Variants in RBM33 observed in about 807,000 individuals in gnomAD.
The protein encoded by RBM33 is RNA binding motif protein 33, also known as RNA-binding protein 33.
In RBM33, 28 loss-of-function variants were observed where a neutral mutation model predicts 132.6. That is an observed-to-expected ratio of 0.21 (90% CI 0.16 to 0.29). RBM33 has a LOEUF of 0.29. Among genes scored for constraint, RBM33 ranks in the 10% least tolerant of loss-of-function variants. The pLI, the probability that RBM33 is intolerant of heterozygous loss-of-function variation, is 1.00. For missense variants in RBM33, 1,291 were observed against 1,518.5 expected (o/e 0.85, Z 2.49); for synonymous variants, 634 against 593.0 (o/e 1.07, Z -1.01).
chr7:155,771,703 G>A lies in RBM33; in HGVS notation c.3376-2856G>A, dbSNP rs554887493. The stretch of plus-strand genomic sequence containing the variant: ...AGAAATGTTATTTCCCAAAAGAACT[G>A]CATGATATTTTCTTTTTTCTTATTT... On this transcript the variant is annotated intron_variant, in intron 16 of 17. Coordinates refer to ENST00000401878, the MANE Select transcript of RBM33 (RefSeq NM_053043.3). Among the ~76,000 whole-genome samples the A allele has an allele frequency of 2.0e-5, 3 of 152,268 alleles. No homozygotes were observed. The East Asian group carries it at 5.8e-4, about 29-fold the overall frequency.
intron 9 of RBM33, among the ~76,000 whole-genome samples, chr7:155,733,191 A>G (rs540601092): frequency 1.3e-5 from 2 of 152,346 alleles, no homozygotes; most frequent in South Asian, 4.1e-4. Flanking sequence ...GAAAGTGTGT[A>G]TGTAATGTGA....
intron 5 of RBM33, among the ~76,000 whole-genome samples, chr7:155,693,251 A>G (rs1799696577): frequency 1.3e-5 from 2 of 152,154 alleles, no homozygotes; most frequent in Admixed American, 1.3e-4. Context: ...AGGGAAACAT[A>G]AGGTGGTTAA....
rs1468261873 is a variant in RBM33 at position 155,673,613 on chromosome 7, CGT to C, written c.171+701_171+702del. Among the ~76,000 whole-genome samples the C allele has an allele frequency of 3.0e-4, 24 of 79,544 alleles. 6 individuals carry two copies. The highest frequency in any genetic ancestry group is 4.1e-4 in the Non-Finnish European group (16 of 39,004). 52.2% of individuals were successfully genotyped at this position (79,544 alleles called of 152,430 possible). ...ATATATACACACATATACATACACA[CGT>C]GTATATATATACACACATATACATA... On this transcript the variant is annotated intron_variant, in intron 3 of 17. Transcript: ENST00000401878.
intron 16 of RBM33, among the ~76,000 whole-genome samples, chr7:155,769,804 G>T (rs1802354662): frequency 6.6e-6 from 1 of 152,200 alleles, no homozygotes; most frequent in Non-Finnish European, 1.5e-5. Context: ...ACACTAAGCA[G>T]TGTCAGACAC....
chr7:155,729,948 TC>T (rs1437990599), intron 9 of RBM33, among the ~76,000 whole-genome samples: 1 of 152,154 alleles, frequency 6.6e-6, no homozygotes, highest in African/African-American at 2.4e-5. Flanking sequence ...GTTACTTCCT[TC>T]CTTCATTCAG....
intron 16 of RBM33, among the ~76,000 whole-genome samples, chr7:155,768,985 T>C (rs1802317598): frequency 6.6e-6 from 1 of 152,238 alleles, no homozygotes; most frequent in Admixed American, 6.5e-5. Flanking sequence ...AGTGATGTGG[T>C]AGCCAGTTTT....
chr7:155,693,119 G>A (rs1799693004), intron 5 of RBM33, among the ~76,000 whole-genome samples: 1 of 152,104 alleles, frequency 6.6e-6, no homozygotes, highest in Non-Finnish European at 1.5e-5. Flanking sequence ...GATGGAAATG[G>A]TAATAATGAT....
intron 9 of RBM33, among the ~76,000 whole-genome samples, chr7:155,722,771 T>A (rs1800666043): frequency 6.6e-6 from 1 of 152,220 alleles, no homozygotes; most frequent in Admixed American, 6.5e-5. Context: ...CTGAGCTAAA[T>A]TTTAAGCTTA....
intron 5 of RBM33, chr7:155,684,932 G>A (rs1350080058): frequency 5.8e-6 from 9 of 1,549,696 alleles, no homozygotes; most frequent in Non-Finnish European, 7.0e-6. Context: ...ATGGCTGTTA[G>A]GATGAAGAAT....
chr7:155,686,389 G>A (rs1026036330), intron 5 of RBM33, among the ~76,000 whole-genome samples: 8 of 152,176 alleles, frequency 5.3e-5, no homozygotes, highest in African/African-American at 1.9e-4. Context: ...ACTGCGTGGA[G>A]ATCATTCCAG....
chr7:155,645,861 T>C lies in RBM33; in HGVS notation c.43+942T>C, dbSNP rs1407588283. Among the ~76,000 whole-genome samples, 4 of 152,232 alleles carry C rather than the reference T, an allele frequency of 2.6e-5. No homozygotes were observed. The South Asian group carries it at 6.2e-4, about 24-fold the overall frequency. ...ATGCTAGCAGATGGTTACGTTGTTA[T>C]CATCCTGTTTAGGAATTTTGGCCCA... On this transcript the variant is annotated intron_variant, in intron 1 of 17. Transcript: ENST00000401878.
At chr7:155,747,430 C>A (rs746976476) in intron 14 of RBM33, among the ~76,000 whole-genome samples, 22 of 152,170 alleles carry the variant, frequency 1.4e-4, no homozygotes, top group Non-Finnish European at 2.8e-4. Flanking sequence ...CTGTTTGTTA[C>A]AATGGCCGAT....
intron 1 of RBM33, among the ~76,000 whole-genome samples, chr7:155,652,033 T>C (rs540051086): frequency 1.3e-5 from 2 of 152,248 alleles, no homozygotes; most frequent in Admixed American, 6.5e-5. Context: ...AAGGCTCATA[T>C]GTTCACTTCG....
intron 9 of RBM33, among the ~76,000 whole-genome samples, chr7:155,732,230 T>C (rs1800976097): frequency 6.6e-6 from 1 of 152,250 alleles, no homozygotes; most frequent in East Asian, 1.9e-4. Context: ...CATTAAGCTT[T>C]GCTTTACTCT....
At chr7:155,686,084 C>T (rs1331868313) in intron 5 of RBM33, among the ~76,000 whole-genome samples, 3 of 152,302 alleles carry the variant, frequency 2.0e-5, no homozygotes, top group East Asian at 3.9e-4. Context: ...CTTTCTTTCT[C>T]GCTCGCTATT....
At chr7:155,701,140 G>T in intron 6 of RBM33, 196 bp downstream of exon 6, 1 of 588,304 alleles carries the variant, frequency 1.7e-6, no homozygotes, top group Non-Finnish European at 3.0e-6. Flanking sequence ...GCTGTTTATG[G>T]ATTTAAAATG....
chr7:155,676,286 C>T (rs1452162482), intron 3 of RBM33, among the ~76,000 whole-genome samples: 3 of 152,300 alleles, frequency 2.0e-5, no homozygotes, highest in African/African-American at 4.8e-5. Context: ...AGCAGGCTGA[C>T]GTGACCAGGC....
intron 3 of RBM33, among the ~76,000 whole-genome samples, chr7:155,676,734 A>G (rs1799194643): frequency 6.6e-6 from 1 of 152,086 alleles, no homozygotes; most frequent in Non-Finnish European, 1.5e-5. Flanking sequence ...GTTCTTTAGG[A>G]TGTGTTGAAA....
Position 155,774,779 on chromosome 7 carries a change from G to T in RBM33, c.3464+132G>T. On this transcript the variant is annotated intron_variant, in intron 17 of 17. Coordinates refer to ENST00000401878, the MANE Select transcript of RBM33 (RefSeq NM_053043.3). This position sits in a 1 kb window ranked among gnomAD's most constrained non-coding sequence, Gnocchi z 4.2. Reference sequence around the variant, plus strand: ...CTGTAGAAGGACACTAGGGCACAAAGCGCAGACGGTGATCCTGTCATGAGG... The same window carrying T: ...CTGTAGAAGGACACTAGGGCACAAATCGCAGACGGTGATCCTGTCATGAGG... The T allele has an allele frequency of 2.4e-6, 2 of 850,004 alleles. No homozygotes were observed. The highest frequency in any genetic ancestry group is 1.5e-5 in the South Asian group (1 of 67,976). The allele number at this position is 850,004 out of a possible 1,614,324, so 52.7% of individuals were successfully genotyped here.
Sources: allele counts gnomAD v4.1 joint callset (sites outside exome capture counted in the v4.1 genomes callset), GRCh38; gene constraint gnomAD v4.1.1; non-coding constraint Gnocchi (gnomAD v3.1); transcripts MANE v1.5; gene names NCBI Gene and HGNC (gene_info 2026-07-23, HGNC 2026-07-21).